The following PPP1R13L variants were observed in gnomAD, a reference collection of about 807,000 sequenced individuals.
PPP1R13L encodes the protein relA-associated inhibitor.
PPP1R13L carries 50 observed loss-of-function variants against 80.9 expected under a neutral mutation model. That is an observed-to-expected ratio of 0.62 (90% CI 0.49 to 0.78). The LOEUF is 0.78. Among genes scored for constraint, PPP1R13L ranks in the 30% least tolerant of loss-of-function variants. The probability of loss-of-function intolerance (pLI) is 0.00; values close to 1 mark genes in which losing one functional copy is unlikely to be tolerated. For synonymous variants in PPP1R13L, 602 were observed against 534.3 expected, an observed-to-expected ratio of 1.13 and a Z score of -1.75; for missense variants, 1,200 against 1,205.9, an observed-to-expected ratio of 1.00 and a Z score of 0.07.
intron 1 of PPP1R13L, 104 bp from the exon 2 acceptor site, chr19:45,398,443 T>G: frequency 1.8e-6 from 2 of 1,141,910 alleles, no homozygotes; most frequent in Non-Finnish European, 2.5e-6. Flanking sequence ...TCAACTCAGT[T>G]CCTTCCCCTG....
At chr19:45,403,646 C>G (rs76267002) in intron 1 of PPP1R13L, among the ~76,000 whole-genome samples, 1 of 152,290 alleles carries the variant, frequency 6.6e-6, no homozygotes, top group East Asian at 1.9e-4. Context: ...CTAGACAATG[C>G]GAGCTTTCCT....
At position 45,401,312 on chromosome 19, in the gene PPP1R13L, G is replaced by A. The variant is rs868026231; in HGVS notation, c.-21-2973C>T. 4.8e-5 allele frequency among the ~76,000 whole-genome samples: 7 copies of A among 147,164 alleles called. No individual in the cohort carries two copies. The East Asian group carries it at 6.0e-4, about 13-fold the overall frequency. On this transcript the variant is annotated intron_variant, in intron 1 of 12. Transcript: ENST00000360957. ...GGAGCTTTCAGTGAGCCGAGATCGCGCCACTGCACTCCAGCCTCGGAGACA... is the reference window on the plus strand; with the variant it reads ...GGAGCTTTCAGTGAGCCGAGATCGCACCACTGCACTCCAGCCTCGGAGACA...
chr19:45,392,853 A>G, intron 7 of PPP1R13L: 1 of 203,044 alleles, frequency 4.9e-6, no homozygotes, highest in East Asian at 1.5e-4. Context: ...TTCTGACAGT[A>G]AAGCAGGTGG....
At chr19:45,384,085 T>A (rs1972819646) in intron 11 of PPP1R13L, among the ~76,000 whole-genome samples, 1 of 145,868 alleles carries the variant, frequency 6.9e-6, no homozygotes, top group Admixed American at 6.9e-5. Context: ...TTTTCTTTTC[T>A]TTTTTTTTTT....
In PPP1R13L at chr19:45,385,607, C is replaced by A. The variant is rs1972849626; in HGVS notation, c.2203G>T (p.Asp735Tyr). 6.2e-7 allele frequency: 1 copy of A among 1,613,064 alleles called. No homozygotes were observed. Among genetic ancestry groups the A allele is most frequent in the African/African-American group, 1.3e-5 (1 of 74,950 alleles). ...TCAGCATAACCCTCGCGGTAAGGGT[C>A]GCACTTCTCGAAGGCGGTGGCGCCG... ...SDGATAFEKC[D>Y]PYREGYADCA... The change falls in exon 11 of 13, where the codon GAC becomes TAC. Residue 735 changes from aspartate (D) to tyrosine (Y), a missense_variant. Asp to Tyr is a radical substitution (Grantham distance 160, BLOSUM62 -3). Around this residue, in one of 5 missense-constraint regions of PPP1R13L, gnomAD observed 165 missense variants for 177.1 expected, o/e 0.93. Transcript: ENST00000360957.
chr19:45,395,271 G>T, intron 7 of PPP1R13L, 165 bp downstream of exon 7: 1 of 916,344 alleles, frequency 1.1e-6, no homozygotes, highest in Non-Finnish European at 1.7e-6. Context: ...AGCTATCCCT[G>T]GCTCCTACCC....
Position 45,396,819 on chromosome 19 carries a change from GA to G in PPP1R13L, c.437del (p.Phe146SerfsTer78). The G allele has an allele frequency of 6.9e-7, 1 of 1,449,990 alleles. No homozygotes were observed. The highest frequency in any genetic ancestry group is 2.9e-5 in the East Asian group (1 of 34,568). The allele number at this position is 1,449,990 out of a possible 1,614,324, so 89.8% of individuals were successfully genotyped here. On this transcript the variant is annotated frameshift_variant, in exon 4 of 13. Coordinates refer to ENST00000360957, the MANE Select transcript of PPP1R13L (RefSeq NM_006663.4). LOFTEE classifies it high-confidence loss of function. This position sits in a 1 kb window ranked among gnomAD's most constrained non-coding sequence, Gnocchi z 5.3. ...GGCCGAGGGAGCTGCCTGCGCCATC[GA>G]AGGCGCGGGGCCGGGGCGAGGTCGC... is the stretch of plus-strand genomic sequence containing the variant. The part of the protein sequence containing the change: ...DRATSPRPRA[F>X]DGAGSSLGRA...
Position 45,382,741 on chromosome 19 carries a change from G to A in PPP1R13L, c.2249-15C>T, listed in dbSNP as rs749333803. ...CTGCTCGACGTCTGAAACATGCCACGGAGGGGAAGGTGAGAGCCTGGCCCA... is the reference window on the plus strand; with the variant it reads ...CTGCTCGACGTCTGAAACATGCCACAGAGGGGAAGGTGAGAGCCTGGCCCA... On this transcript the variant is annotated splice_polypyrimidine_tract_variant and intron_variant, in intron 11 of 12. Coordinates refer to ENST00000360957, the MANE Select transcript of PPP1R13L (RefSeq NM_006663.4). The A allele has an allele frequency of 5.0e-6, 8 of 1,613,210 alleles. No individual in the cohort carries two copies. The East Asian group carries it at 1.6e-4, about 31-fold the overall frequency.
intron 1 of PPP1R13L, among the ~76,000 whole-genome samples, chr19:45,403,982 G>C (rs1973278909): frequency 6.6e-6 from 1 of 152,084 alleles, no homozygotes; most frequent in Non-Finnish European, 1.5e-5. Flanking sequence ...TCAGACAGAT[G>C]GGCGTGGAGG....
intron 11 of PPP1R13L, among the ~76,000 whole-genome samples, chr19:45,383,293 C>CTTTTTT (rs1164667426): frequency 1.4e-4 from 9 of 62,838 alleles, no homozygotes; most frequent in African/African-American, 4.0e-4. Context: ...CGCGCCCGGC[C>CTTTTTT]TTTTTTTTTT....
intron 8 of PPP1R13L, among the ~76,000 whole-genome samples, chr19:45,389,720 G>C (rs1250462187): frequency 6.6e-6 from 1 of 152,176 alleles, no homozygotes; most frequent in African/African-American, 2.4e-5. Flanking sequence ...TGACGCAGGA[G>C]AATCACTTTA....
At chr19:45,398,464 AC>A (rs1973161833) in intron 1 of PPP1R13L, 125 bp from the exon 2 acceptor site, 1 of 885,536 alleles carries the variant, frequency 1.1e-6, no homozygotes. Context: ...GAAGCCCTTT[AC>A]CCTTTCACCT....
chr19:45,406,152 C>G (rs1329478818), upstream of PPP1R13L: 1 of 373,280 alleles, frequency 2.7e-6, no homozygotes, highest in Non-Finnish European at 3.7e-6. The surrounding 1 kb of genome is among the most constrained non-coding windows in gnomAD (Gnocchi z 4.2). Flanking sequence ...CTGGCTGGAA[C>G]TTCACGCCCT....
Position 45,396,832 on chromosome 19 carries a change from CG to C in PPP1R13L, c.424del (p.Arg142GlyfsTer82). The C allele has an allele frequency of 2.0e-6, 3 of 1,488,936 alleles. No homozygotes were observed. Among genetic ancestry groups the C allele is most frequent in the South Asian group, 1.3e-5 (1 of 78,026 alleles). The allele number at this position is 1,488,936 out of a possible 1,614,324, so 92.2% of individuals were successfully genotyped here. ...GCCTGCGCCATCGAAGGCGCGGGGC[CG>C]GGGCGAGGTCGCGCGGTCCAGGCTG... ...YGSLDRATSP[R>X]PRAFDGAGSS... On this transcript the variant is annotated frameshift_variant, in exon 4 of 13. Transcript: ENST00000360957. LOFTEE classifies it high-confidence loss of function. This position sits in a 1 kb window ranked among gnomAD's most constrained non-coding sequence, Gnocchi z 5.3.
intron 7 of PPP1R13L, among the ~76,000 whole-genome samples, chr19:45,393,688 C>T (rs1329203551): frequency 1.3e-5 from 2 of 152,138 alleles, no homozygotes; most frequent in African/African-American, 2.4e-5. Flanking sequence ...TCCTGGCTAA[C>T]ATGATGAAAC....
Position 45,386,177 on chromosome 19 carries a change from TCTC to T in PPP1R13L, c.1816_1818del (p.Glu606del). On this transcript the variant is annotated inframe_deletion and splice_region_variant, in exon 9 of 13. Transcript: ENST00000360957. ...CCCGCCTTCCGCAGCACAGAGCGCA[TCTC>T]CTGGGGGACAGGGCGCAGAGGTCAG... 1 of 1,521,110 alleles carries T rather than the reference TCTC, an allele frequency of 6.6e-7. No homozygotes were observed. Among genetic ancestry groups the T allele is most frequent in the Non-Finnish European group, 8.7e-7 (1 of 1,148,814 alleles). 94.2% of individuals were successfully genotyped at this position (1,521,110 alleles called of 1,614,324 possible).
Position 45,397,016 on chromosome 19 carries a change from T to C in PPP1R13L, c.241A>G (p.Ser81Gly). ...SSSSIPEPFG[S>G]RGSPRKAATD... ...GCCGCCTTCCGGGGGGACCCTCGGC[T>C]GCCGAAGGGCTCAGGGATCGAGCTG... The change falls in exon 4 of 13, where the codon AGC becomes GGC. Residue 81 changes from serine to glycine, a missense_variant. Physicochemically the swap from Ser to Gly is moderately conservative, Grantham distance 56 (BLOSUM62 0). This residue lies in a region of PPP1R13L where 764 missense variants were observed against 714.5 expected (regional missense o/e 1.07). Transcript: ENST00000360957. The C allele has an allele frequency of 7.3e-7, 1 of 1,370,294 alleles. No individual in the cohort carries two copies. Among genetic ancestry groups the C allele is most frequent in the Non-Finnish European group, 9.4e-7 (1 of 1,064,046 alleles). 84.9% of individuals were successfully genotyped at this position (1,370,294 alleles called of 1,614,324 possible). A position where few individuals can be genotyped will look rare whatever the true frequency, so the allele number is the denominator to read the frequency against.
rs901559414 is a variant in PPP1R13L at position 45,380,064 on chromosome 19, G to T, written c.*126C>A. The T allele has an allele frequency of 9.7e-7, 1 of 1,034,590 alleles. No homozygotes were observed. Among genetic ancestry groups the T allele is most frequent in the Non-Finnish European group, 1.4e-6 (1 of 689,748 alleles). 64.1% of individuals were successfully genotyped at this position (1,034,590 alleles called of 1,614,324 possible). A position where few individuals can be genotyped will look rare whatever the true frequency, so the allele number is the denominator to read the frequency against. ...TGGACTTCCAGGAGAACAGAGAACC[G>T]GTGGCAAGGACCACCACCAGCAGGG... is the stretch of plus-strand genomic sequence containing the variant. On this transcript the variant is annotated 3_prime_UTR_variant, in exon 13 of 13. Coordinates refer to ENST00000360957, the MANE Select transcript of PPP1R13L (RefSeq NM_006663.4).
Position 45,391,958 on chromosome 19 carries a change from G to C in PPP1R13L, c.1737C>G (p.Pro579=), listed in dbSNP as rs1972981612. The part of the protein sequence containing the change: ...ITEGSEARAG[P]PAPAPPAPIP... ...TGGGAGCTGGTGGGGCAGGAGCAGG[G>C]GGCCCTGCCCTGGCCTCAGATCCCT... Residue 579 remains proline (P), a synonymous_variant, in exon 8 of 13, where the codon CCC becomes CCG. Transcript: ENST00000360957. The C allele has an allele frequency of 5.3e-6, 8 of 1,509,896 alleles. No individual in the cohort carries two copies. The highest frequency in any genetic ancestry group is 7.1e-6 in the Non-Finnish European group (8 of 1,131,240). The allele number at this position is 1,509,896 out of a possible 1,614,324, so 93.5% of individuals were successfully genotyped here. A position where few individuals can be genotyped will look rare whatever the true frequency, so the allele number is the denominator to read the frequency against.
Sources: allele counts gnomAD v4.1 joint callset (sites outside exome capture counted in the v4.1 genomes callset), GRCh38; gene constraint gnomAD v4.1.1; regional missense constraint gnomAD v4.1.1; non-coding constraint Gnocchi (gnomAD v3.1); transcripts MANE v1.5; gene names NCBI Gene and HGNC (gene_info 2026-07-23, HGNC 2026-07-21).